MTRR: variants seen among roughly 807,000 people sequenced by gnomAD.
MTRR encodes the protein 5-methyltetrahydrofolate-homocysteine methyltransferase reductase.
MTRR carries 63 observed loss-of-function variants against 79.2 expected under a neutral mutation model. The ratio of observed to expected loss-of-function variants is 0.80; its 90% CI spans 0.65 to 0.98. The LOEUF is 0.98. Ranked by LOEUF, MTRR falls within the 50% of genes least tolerant of loss-of-function variation. The pLI is 0.00. For synonymous variants in MTRR, 355 were observed against 313.3 expected (o/e 1.13, Z -1.41); for missense variants, 895 against 839.6 (o/e 1.07, Z -0.82).
intron 1 of MTRR, among the ~76,000 whole-genome samples, chr5:7,857,774 G>T (rs987726587): frequency 6.6e-6 from 1 of 152,198 alleles, no homozygotes; most frequent in African/African-American, 2.4e-5. Context: ...TGTGCCCAGC[G>T]TGATCAGAAC....
At chr5:7,888,847 T>C (rs1248725798) in intron 8 of MTRR, among the ~76,000 whole-genome samples, 2 of 152,260 alleles carry the variant, frequency 1.3e-5, no homozygotes, top group Non-Finnish European at 2.9e-5. Flanking sequence ...TTCAGGAATT[T>C]AGACTTTGAG....
At chr5:7,853,428 T>C (rs992169759) in intron 1 of MTRR, among the ~76,000 whole-genome samples, 2 of 152,216 alleles carry the variant, frequency 1.3e-5, no homozygotes, top group Non-Finnish European at 2.9e-5. Flanking sequence ...GGTATTTCTT[T>C]ATAGCAGCAT....
At chr5:7,877,170 G>A (rs1734699807) in intron 4 of MTRR, among the ~76,000 whole-genome samples, 2 of 152,160 alleles carry the variant, frequency 1.3e-5, no homozygotes, top group African/African-American at 4.8e-5. Context: ...GTGATTAAAA[G>A]TGGTGTTATT....
upstream of MTRR, chr5:7,869,134 A>C (rs778722698): frequency 3.7e-6 from 6 of 1,613,482 alleles, no homozygotes; most frequent in South Asian, 5.5e-5. Flanking sequence ...GGTACCGAGC[A>C]TGGGCGCTGC....
upstream of MTRR, chr5:7,867,082 A>G (rs1579559702): frequency 1.9e-6 from 3 of 1,614,178 alleles, no homozygotes; most frequent in Middle Eastern, 1.7e-4. Flanking sequence ...AGACTCTCCT[A>G]AGCTCCTCGT....
At chr5:7,874,864 A>G (rs1353116594) in intron 3 of MTRR, among the ~76,000 whole-genome samples, 2 of 152,176 alleles carry the variant, frequency 1.3e-5, no homozygotes, top group African/African-American at 4.8e-5. Flanking sequence ...AGTGCATGGT[A>G]TTTGTCCCAG....
In MTRR at chr5:7,892,890, A is replaced by C; in HGVS notation, c.1534A>C (p.Ser512Arg). 1 of 1,614,244 alleles carries C rather than the reference A, an allele frequency of 6.2e-7. No individual in the cohort carries two copies. The highest frequency in any genetic ancestry group is 8.5e-7 in the Non-Finnish European group (1 of 1,180,042). ...AAACATACATGCATCCCATGAAGAC[A>C]GCGGGAAAGCCCTGGCTCCTAAGGT... ...QPNIHASHED[S>R]GKALAPKISI... Residue 512 changes from serine (S) to arginine (R), a missense_variant, in exon 11 of 15, where the codon AGC (serine) becomes CGC (arginine). Ser to Arg is a moderately radical substitution (Grantham distance 110). Coordinates refer to ENST00000440940, the MANE Select transcript of MTRR (RefSeq NM_002454.3).
At chr5:7,867,321 C>T (rs1427311173), upstream of MTRR, 3 of 1,613,810 alleles carry the variant, frequency 1.9e-6, no homozygotes, top group African/African-American at 1.3e-5. Flanking sequence ...GCCACAATAT[C>T]CTCCGGGGTA....
chr5:7,861,063 C>T (rs999724546), intron 1 of MTRR: 1 of 782,506 alleles, frequency 1.3e-6, no homozygotes, highest in Non-Finnish European at 2.1e-6. Context: ...TACTGTGCCT[C>T]AGATTACTTT....
intron 1 of MTRR, among the ~76,000 whole-genome samples, chr5:7,852,270 C>G (rs1334854735): frequency 6.6e-6 from 1 of 152,192 alleles, no homozygotes; most frequent in Non-Finnish European, 1.5e-5. Flanking sequence ...CTTAAGATGC[C>G]TCTCTCATTC....
chr5:7,861,563 AAC>A, intron 1 of MTRR: 1 of 1,534,640 alleles, frequency 6.5e-7, no homozygotes, highest in Non-Finnish European at 8.8e-7. Flanking sequence ...TAATGTGAAA[AAC>A]ACAACATTTT....
At chr5:7,891,723 G>A (rs1737617830) in intron 10 of MTRR, among the ~76,000 whole-genome samples, 1 of 152,130 alleles carries the variant, frequency 6.6e-6, no homozygotes, top group Non-Finnish European at 1.5e-5. Flanking sequence ...GCCGGAGGCA[G>A]GGGAGACAGA....
chr5:7,898,334 T>A (rs1228692239), intron 14 of MTRR, among the ~76,000 whole-genome samples: 2 of 152,188 alleles, frequency 1.3e-5, no homozygotes, highest in East Asian at 3.9e-4. Context: ...ATTGTACAGA[T>A]CACAGATATC....
In MTRR at chr5:7,869,186, G is replaced by C. The variant is rs377169501; in HGVS notation, c.-55G>C. On this transcript the variant is annotated 5_prime_UTR_variant, in exon 1 of 15. Transcript: ENST00000440940. ...GCAAGGTTGGTGGAAGTCGCGTTGT[G>C]CAGGTTCGTGCCCGGCTGGCGCGGC... 8 of 1,610,680 alleles carry C rather than the reference G, an allele frequency of 5.0e-6. No individual in the cohort carries two copies. In the African/African-American group the frequency reaches 9.3e-5, roughly 19 times the overall value.
chr5:7,887,318 T>C (rs1736655865), intron 8 of MTRR, among the ~76,000 whole-genome samples: 1 of 152,040 alleles, frequency 6.6e-6, no homozygotes, highest in Non-Finnish European at 1.5e-5. Flanking sequence ...AAACTACTTG[T>C]AACTGATTTC....
At position 7,873,506 on chromosome 5, in the gene MTRR, A is replaced by G; in HGVS notation, c.263A>G (p.His88Arg). ...NQTLPVDFFAHLRYGLLGLGD... is the reference protein window; with the variant it reads ...NQTLPVDFFARLRYGLLGLGD... The stretch of plus-strand genomic sequence containing the variant: ...ACACTGCCGGTTGATTTCTTTGCTC[A>G]CCTGCGGTATGGGTTACTGGGTAAT... Residue 88 changes from histidine to arginine, a missense_variant, in exon 3 of 15, where the codon CAC (histidine) becomes CGC (arginine). Coordinates refer to ENST00000440940, the MANE Select transcript of MTRR (RefSeq NM_002454.3). 1 of 1,614,140 alleles carries G rather than the reference A, an allele frequency of 6.2e-7. No homozygotes were observed. Among genetic ancestry groups the G allele is most frequent in the Non-Finnish European group, 8.5e-7 (1 of 1,180,024 alleles).
chr5:7,869,873 G>C (rs1747604667), intron 1 of MTRR, among the ~76,000 whole-genome samples: 1 of 152,226 alleles, frequency 6.6e-6, no homozygotes, highest in Non-Finnish European at 1.5e-5. Flanking sequence ...TCAATGTGTA[G>C]TGTTTTCATA....
intron 1 of MTRR, among the ~76,000 whole-genome samples, chr5:7,854,563 C>A (rs890446016): frequency 6.6e-6 from 1 of 151,960 alleles, no homozygotes; most frequent in Non-Finnish European, 1.5e-5. Context: ...TACATGGTGG[C>A]GGCAAGAGAA....
At chr5:7,879,999 G>A (rs781397266) in intron 5 of MTRR, among the ~76,000 whole-genome samples, 7 of 152,350 alleles carry the variant, frequency 4.6e-5, no homozygotes, top group Non-Finnish European at 1.0e-4. Context: ...AAGAGACTTA[G>A]CAGTGGTTCT....
Sources: allele counts gnomAD v4.1 joint callset (sites outside exome capture counted in the v4.1 genomes callset), GRCh38; gene constraint gnomAD v4.1.1; transcripts MANE v1.5; gene names NCBI Gene and HGNC (gene_info 2026-07-23, HGNC 2026-07-21).